The following NUDT1 variants were observed in gnomAD, a reference collection of about 807,000 sequenced individuals.
The protein encoded by NUDT1 is nudix hydrolase 1.
Under a neutral mutation model 11.3 loss-of-function variants are expected in NUDT1, and 16 were observed. The observed-to-expected ratio is 1.41, with a 90% CI of 0.96 to 2.15. The LOEUF is 2.15. Ranked by LOEUF, NUDT1 falls within the 30% of genes most tolerant of loss-of-function variation. The probability of loss-of-function intolerance (pLI) is 0.00; values close to 1 mark genes in which losing one functional copy is unlikely to be tolerated. For synonymous variants in NUDT1, 101 were observed against 84.4 expected, an observed-to-expected ratio of 1.20 and a Z score of -1.08; for missense variants, 234 against 208.4, an observed-to-expected ratio of 1.12 and a Z score of -0.76.
intron 2 of NUDT1, 25 bp from the exon 3 acceptor site, chr7:2,249,832 C>G: frequency 6.2e-7 from 1 of 1,610,962 alleles, no homozygotes; most frequent in South Asian, 1.1e-5. Context: ...GACGGCCTCC[C>G]TCCCCTGCCC....
chr7:2,244,546 T>G lies in NUDT1; in HGVS notation c.-12-17T>G. ...ACGCACGTCATGGCTGACTCTGCCC[T>G]CTCACCTTCCTTTCAGAACCCAGGG... On this transcript the variant is annotated splice_polypyrimidine_tract_variant and intron_variant, in intron 1 of 3. Coordinates refer to ENST00000356714, the MANE Select transcript of NUDT1 (RefSeq NM_002452.4). The G allele has an allele frequency of 1.3e-6, 2 of 1,491,802 alleles. No individual in the cohort carries two copies. The highest frequency in any genetic ancestry group is 1.8e-6 in the Non-Finnish European group (2 of 1,112,730). The allele number at this position is 1,491,802 out of a possible 1,614,324, so 92.4% of individuals were successfully genotyped here. A position where few individuals can be genotyped will look rare whatever the true frequency, so the allele number is the denominator to read the frequency against.
At chr7:2,248,519 C>G (rs1794856254) in intron 2 of NUDT1, among the ~76,000 whole-genome samples, 1 of 150,952 alleles carries the variant, frequency 6.6e-6, no homozygotes. Flanking sequence ...CGTGGAAAGC[C>G]CGAGGTATAA....
intron 1 of NUDT1, 177 bp downstream of exon 1, chr7:2,242,433 G>A (rs1042590704): frequency 1.6e-5 from 8 of 508,140 alleles, no homozygotes; most frequent in Non-Finnish European, 2.1e-5. Flanking sequence ...AGGAGAGCGG[G>A]GCCGGGGGTT....
rs753559188 is a variant in NUDT1 at position 2,250,897 on chromosome 7, T to C, written c.367T>C (p.Trp123Arg). Residue 123 changes from tryptophan to arginine, a missense_variant, in exon 4 of 4, where the codon TGG becomes CGG. By Grantham distance (101) the Trp-to-Arg change is moderately radical. Coordinates refer to ENST00000356714, the MANE Select transcript of NUDT1 (RefSeq NM_002452.4). The stretch of plus-strand genomic sequence containing the variant: ...GGACATGTGGCCCGACGACAGCTAC[T>C]GGTTTCCACTCCTGCTTCAGAAGAA... ...FKDMWPDDSY[W>R]FPLLLQKKKF... The C allele has an allele frequency of 7.4e-6, 12 of 1,614,080 alleles. No individual in the cohort carries two copies. The African/African-American group carries it at 1.5e-4, about 20-fold the overall frequency.
chr7:2,242,705 G>C (rs1190418216), intron 1 of NUDT1: 3 of 428,942 alleles, frequency 7.0e-6, no homozygotes, highest in East Asian at 3.9e-5. Flanking sequence ...CACTTCTTCA[G>C]TGCCCCGCTT....
rs1386240907 is a variant in NUDT1 at position 2,244,604 on chromosome 7, G to T, written c.30G>T (p.Val10=). The part of the protein sequence containing the change: MGASRLYTL[V]LVLQPQRVLL... ...GCGCCTCCAGGCTCTATACCCTGGT[G>T]CTGGTCCTGCAGCCTCAGCGAGTTC... The change falls in exon 2 of 4, where the codon GTG becomes GTT. Residue 10 remains valine, a synonymous_variant. Transcript: ENST00000356714. 3 of 1,611,624 alleles carry T rather than the reference G, an allele frequency of 1.9e-6. No individual in the cohort carries two copies. The highest frequency in any genetic ancestry group is 1.7e-6 in the Non-Finnish European group (2 of 1,178,582).
At position 2,244,837 on chromosome 7, in the gene NUDT1, G is replaced by C; in HGVS notation, c.152+111G>C. ...ACTAAGAGCTAAGTGACCTGGAGCAGGGGGTTAAGCGTGAGCCTCAGTGTC... is the reference window on the plus strand; with the variant it reads ...ACTAAGAGCTAAGTGACCTGGAGCACGGGGTTAAGCGTGAGCCTCAGTGTC... On this transcript the variant is annotated intron_variant, in intron 2 of 3. Coordinates refer to ENST00000356714, the MANE Select transcript of NUDT1 (RefSeq NM_002452.4). 4 of 1,344,236 alleles carry C rather than the reference G, an allele frequency of 3.0e-6. No individual in the cohort carries two copies. In the South Asian group the frequency reaches 4.0e-5, roughly 14 times the overall value. The allele number at this position is 1,344,236 out of a possible 1,614,324, so 83.3% of individuals were successfully genotyped here. A position where few individuals can be genotyped will look rare whatever the true frequency, so the allele number is the denominator to read the frequency against.
intron 2 of NUDT1, 53 bp from the exon 3 acceptor site, chr7:2,249,804 G>T: frequency 6.2e-7 from 1 of 1,603,932 alleles, no homozygotes; most frequent in South Asian, 1.1e-5. Context: ...CCATCGTGTG[G>T]GCATGGCACC....
At chr7:2,247,348 G>A (rs967264323) in intron 2 of NUDT1, among the ~76,000 whole-genome samples, 1 of 152,236 alleles carries the variant, frequency 6.6e-6, no homozygotes, top group Admixed American at 6.5e-5. Flanking sequence ...AGGCCTGAGC[G>A]CCTAACCCCA....
intron 2 of NUDT1, among the ~76,000 whole-genome samples, chr7:2,247,364 G>A (rs1794810262): frequency 6.6e-6 from 1 of 152,246 alleles, no homozygotes; most frequent in Non-Finnish European, 1.5e-5. Flanking sequence ...CCCCAGTCCA[G>A]AGGGCTGGAC....
chr7:2,246,623 G>C (rs763767889), intron 2 of NUDT1, among the ~76,000 whole-genome samples: 1 of 152,192 alleles, frequency 6.6e-6, no homozygotes, highest in African/African-American at 2.4e-5. Flanking sequence ...TCTGAACTTT[G>C]TCACGGTCGA....
Position 2,249,986 on chromosome 7 carries a change from C to A in NUDT1, c.282C>A (p.Thr94=), listed in dbSNP as rs1348967400. 6.2e-7 allele frequency: 1 copy of A among 1,614,096 alleles called. No homozygotes were observed. The highest frequency in any genetic ancestry group is 1.7e-5 in the Admixed American group (1 of 60,026). ...TCTGCACAGACAGCATCCAGGGGAC[C>A]CCCGTGGAGAGCGACGGTGAGTCTC... The part of the protein sequence containing the change: ...HVFCTDSIQG[T]PVESDEMRPC... The change falls in exon 3 of 4, where the codon ACC becomes ACA. Residue 94 remains threonine, a synonymous_variant. Coordinates refer to ENST00000356714, the MANE Select transcript of NUDT1 (RefSeq NM_002452.4).
chr7:2,249,719 G>T, intron 2 of NUDT1, 138 bp from the exon 3 acceptor site: 1 of 1,012,656 alleles, frequency 9.9e-7, no homozygotes. Context: ...GCATTCTAGG[G>T]GACATCCTCC....
rs1184459690 is a variant in NUDT1 at position 2,243,083 on chromosome 7, C to G, written c.-13+827C>G. 9.9e-6 allele frequency: 7 copies of G among 709,160 alleles called. No individual in the cohort carries two copies. In the Admixed American group the frequency reaches 1.4e-4, roughly 14 times the overall value. The allele number at this position is 709,160 out of a possible 1,614,324, so 43.9% of individuals were successfully genotyped here. ...CCCTGGAGTCGGGCTGCTGAGCAGCCTGGGCTCTCCTCTGACCGCCCCTGC... is the reference window on the plus strand; with the variant it reads ...CCCTGGAGTCGGGCTGCTGAGCAGCGTGGGCTCTCCTCTGACCGCCCCTGC... On this transcript the variant is annotated intron_variant, in intron 1 of 3. Coordinates refer to ENST00000356714, the MANE Select transcript of NUDT1 (RefSeq NM_002452.4).
At chr7:2,243,520 C>T (rs1305397161) in intron 1 of NUDT1, among the ~76,000 whole-genome samples, 2 of 152,178 alleles carry the variant, frequency 1.3e-5, no homozygotes, top group Admixed American at 6.6e-5. Context: ...CGCCTGTAAT[C>T]TCAGCACTTT....
At chr7:2,250,758 A>G in intron 3 of NUDT1, 71 bp from the exon 4 acceptor site, 2 of 1,563,860 alleles carry the variant, frequency 1.3e-6, no homozygotes, top group Admixed American at 1.7e-5. Context: ...GCGCCCGGCC[A>G]AAAAAAACAT....
rs750323979 is a variant in NUDT1, at chr7:2,250,820, T to C, written c.299-9T>C. On this transcript the variant is annotated splice_polypyrimidine_tract_variant and intron_variant, in intron 3 of 3. Transcript: ENST00000356714. ...CACCTCAGTGCCTCCTCTTCCCCCA[T>C]TGGTACAGAAATGCGCCCATGCTGG... is the stretch of plus-strand genomic sequence containing the variant. 2.0e-5 allele frequency: 33 copies of C among 1,613,734 alleles called. No homozygotes were observed. The East Asian group carries it at 2.5e-4, about 12-fold the overall frequency.
intron 3 of NUDT1, among the ~76,000 whole-genome samples, chr7:2,250,595 C>CT (rs1794961779): frequency 1.3e-5 from 2 of 152,026 alleles, no homozygotes; most frequent in South Asian, 4.2e-4. Flanking sequence ...GTAGCTGGGA[C>CT]TACAGGCGCC....
chr7:2,242,455 C>G, intron 1 of NUDT1, 199 bp downstream of exon 1: 1 of 487,436 alleles, frequency 2.1e-6, no homozygotes, highest in South Asian at 3.1e-5. Context: ...GGGAGAGAGA[C>G]AAGGAGAGCG....
Sources: gnomAD v4.1 joint callset for allele counts (sites outside exome capture counted in the v4.1 genomes callset) on GRCh38, gnomAD v4.1.1 for gene constraint, MANE v1.5 for transcripts, NCBI Gene and HGNC (gene_info 2026-07-23, HGNC 2026-07-21) for gene names.